Variants in EML4 observed in about 807,000 individuals in gnomAD.
EML4 encodes the protein EMAP like 4, also known as echinoderm microtubule-associated protein-like 4.
Under a neutral mutation model 129.0 loss-of-function variants are expected in EML4, and 72 were observed. The ratio of observed to expected loss-of-function variants is 0.56; its 90% confidence interval spans 0.46 to 0.68. EML4 has a LOEUF of 0.68. EML4 is among the 30% of genes least tolerant of loss of function. The pLI, the probability that EML4 is intolerant of heterozygous loss-of-function variation, is 0.00. For synonymous variants in EML4, 532 were observed against 405.0 expected (o/e 1.31, Z -3.77); for missense variants, 1,363 against 1,190.6 (o/e 1.14, Z -2.13).
At chr2:42,178,654 A>G (rs1670758737) in intron 1 of EML4, among the ~76,000 whole-genome samples, 2 of 152,308 alleles carry the variant, frequency 1.3e-5, no homozygotes, top group South Asian at 2.1e-4. Context: ...ACTGCAAAAA[A>G]GAGGATTTAC....
At chr2:42,282,688 G>T in intron 7 of EML4, 135 bp from the exon 8 acceptor site, 1 of 770,286 alleles carries the variant, frequency 1.3e-6, no homozygotes, top group Non-Finnish European at 2.1e-6. Flanking sequence ...CACTCTGCCC[G>T]TCCAGGACAT....
At position 42,295,411 on chromosome 2, in the gene EML4, T is replaced by G. The variant is rs754520334; in HGVS notation, c.1384T>G (p.Leu462Val). Residue 462 changes from leucine to valine, a missense_variant, in exon 13 of 23, where the codon TTA (leucine) becomes GTA (valine). Physicochemically the swap from Leu to Val is conservative, Grantham distance 32 (BLOSUM62 1). Coordinates refer to ENST00000318522, the MANE Select transcript of EML4 (RefSeq NM_019063.5). The stretch of plus-strand genomic sequence containing the variant: ...TGAAAAGCCAAAATTTGTGCAGTGT[T>G]TAGCATTCTTGGGGAATGGAGATGT... ...KYEKPKFVQC[L>V]AFLGNGDVLT... 16 of 1,613,904 alleles carry G rather than the reference T, an allele frequency of 9.9e-6. No individual in the cohort carries two copies. The highest frequency in any genetic ancestry group is 6.8e-6 in the Non-Finnish European group (8 of 1,179,970).
At chr2:42,327,173 G>C (rs568006978) in intron 21 of EML4, among the ~76,000 whole-genome samples, 1 of 152,208 alleles carries the variant, frequency 6.6e-6, no homozygotes, top group Admixed American at 6.5e-5. Flanking sequence ...GCATACATCA[G>C]TACTTTACTC....
At chr2:42,287,278 T>C (rs1355600186) in intron 10 of EML4, among the ~76,000 whole-genome samples, 1 of 152,104 alleles carries the variant, frequency 6.6e-6, no homozygotes, top group Non-Finnish European at 1.5e-5. Context: ...AAGTCAGGAA[T>C]TGGGAGAAGG....
chr2:42,327,051 A>G (rs573740116), intron 21 of EML4, among the ~76,000 whole-genome samples: 5 of 152,134 alleles, frequency 3.3e-5, no homozygotes, highest in Non-Finnish European at 7.4e-5. Context: ...CTAATCTGTT[A>G]TTGATTTGCC....
intron 6 of EML4, among the ~76,000 whole-genome samples, chr2:42,274,526 G>A (rs1422777402): frequency 1.3e-5 from 2 of 152,118 alleles, no homozygotes; most frequent in African/African-American, 4.8e-5. Context: ...AATGGAGTAT[G>A]CCCAGAGCCA....
chr2:42,181,353 C>T (rs543725120), intron 1 of EML4, among the ~76,000 whole-genome samples: 5 of 152,206 alleles, frequency 3.3e-5, no homozygotes, highest in African/African-American at 9.6e-5. Flanking sequence ...GACTGGAGTG[C>T]AGTGGTGCGA....
intron 1 of EML4, among the ~76,000 whole-genome samples, chr2:42,172,194 AACT>A (rs1670323430): frequency 1.3e-5 from 2 of 152,164 alleles, no homozygotes; most frequent in Non-Finnish European, 2.9e-5. Flanking sequence ...ATGGTGAAAA[AACT>A]ACATTTTTAT....
intron 17 of EML4, among the ~76,000 whole-genome samples, chr2:42,310,633 C>T (rs1048560606): frequency 3.3e-5 from 5 of 152,106 alleles, no homozygotes; most frequent in East Asian, 1.9e-4. Context: ...GGCATGAGCC[C>T]CCACTCCCAG....
chr2:42,284,491 T>C (rs1667180462), intron 8 of EML4, 143 bp from the exon 9 acceptor site: 2 of 499,294 alleles, frequency 4.0e-6, no homozygotes, highest in African/African-American at 2.0e-5. Flanking sequence ...AGATATTTGA[T>C]GATTGTTTGA....
intron 1 of EML4, among the ~76,000 whole-genome samples, chr2:42,191,495 G>A (rs1671578335): frequency 1.3e-5 from 2 of 152,134 alleles, no homozygotes; most frequent in South Asian, 4.1e-4. Context: ...GCAGGGTCAT[G>A]TAGGAAGATA....
intron 11 of EML4, among the ~76,000 whole-genome samples, chr2:42,293,143 G>A (rs889716100): frequency 2.6e-5 from 4 of 150,966 alleles, no homozygotes; most frequent in African/African-American, 9.8e-5. Context: ...AGGGTCTCAC[G>A]CGTCACCCAG....
intron 2 of EML4, among the ~76,000 whole-genome samples, chr2:42,250,782 G>C (rs756905958): frequency 6.6e-6 from 1 of 152,014 alleles, no homozygotes; most frequent in African/African-American, 2.4e-5. Flanking sequence ...TACTACATTT[G>C]TTGTTGTATT....
chr2:42,282,768 T>C, intron 7 of EML4, 55 bp from the exon 8 acceptor site: 1 of 1,488,948 alleles, frequency 6.7e-7, no homozygotes, highest in South Asian at 1.2e-5. Context: ...ATGAAAAATC[T>C]GTTAACAACT....
Position 42,325,599 on chromosome 2 carries a change from TATTTATATATATATATA to T in EML4, c.2242+46_2242+62del, listed in dbSNP as rs747837569. 3.2e-5 allele frequency: 4 copies of T among 124,284 alleles called. No individual in the cohort carries two copies. In the South Asian group the frequency reaches 5.7e-4, roughly 18 times the overall value. The allele number at this position is 124,284 out of a possible 1,614,324, so 7.7% of individuals were successfully genotyped here. On this transcript the variant is annotated intron_variant, in intron 20 of 22. Transcript: ENST00000318522. The stretch of plus-strand genomic sequence containing the variant: ...TATATATATATATATGCTATGATTA[TATTTATATATATATATA>T]TATATATATATATATATATATATGC...
At chr2:42,178,698 A>G (rs1350893925) in intron 1 of EML4, among the ~76,000 whole-genome samples, 1 of 152,160 alleles carries the variant, frequency 6.6e-6, no homozygotes, top group Non-Finnish European at 1.5e-5. Context: ...AGCTGATCTG[A>G]TGGAGTTGTC....
intron 1 of EML4, chr2:42,169,973 C>G (rs541493071): frequency 3.7e-6 from 1 of 269,368 alleles, no homozygotes; most frequent in African/African-American, 2.2e-5. Flanking sequence ...CACTTACCCC[C>G]CTTCAGAGTT....
chr2:42,302,722 C>T (rs1302862361), intron 14 of EML4, among the ~76,000 whole-genome samples: 4 of 151,986 alleles, frequency 2.6e-5, no homozygotes, highest in African/African-American at 9.7e-5. Flanking sequence ...TTAGTAGAGA[C>T]AGGGTTTCAC....
chr2:42,183,884 G>A (rs1276668341), intron 1 of EML4, among the ~76,000 whole-genome samples: 2 of 152,064 alleles, frequency 1.3e-5, no homozygotes, highest in African/African-American at 4.8e-5. Context: ...TGCTGGGGAG[G>A]TCTTAAAACA....
Sources: allele counts gnomAD v4.1 joint callset (sites outside exome capture counted in the v4.1 genomes callset), GRCh38; gene constraint gnomAD v4.1.1; transcripts MANE v1.5; gene names NCBI Gene and HGNC (gene_info 2026-07-23, HGNC 2026-07-21).